The following ZNF75D variants were observed in gnomAD, a reference collection of about 807,000 sequenced individuals.
The protein encoded by ZNF75D is zinc finger protein 75.
A neutral mutation model predicts 33.3 loss-of-function variants in ZNF75D; 33 were observed. The ratio of observed to expected loss-of-function variants is 0.99; its 90% confidence interval spans 0.75 to 1.32. ZNF75D has a LOEUF of 1.32. Ranked by LOEUF, ZNF75D falls within the 40% of genes most tolerant of loss-of-function variation. The pLI, the probability that ZNF75D is intolerant of heterozygous loss-of-function variation, is 0.00. For missense variants in ZNF75D, 338 were observed against 367.5 expected, an observed-to-expected ratio of 0.92 and a Z score of 0.66; for synonymous variants, 113 against 130.6, an observed-to-expected ratio of 0.87 and a Z score of 0.92.
At chrX:135,272,665 A>C (rs2083887133) in intron 1 of ZNF75D, among the ~76,000 whole-genome samples, 1 of 111,116 alleles carries the variant, frequency 9.0e-6, no homozygotes, top group Non-Finnish European at 1.9e-5. Context: ...AAGGTAGTAA[A>C]AGCACTAGAG....
chrX:135,257,015 T>C (rs2083805809), intron 1 of ZNF75D, among the ~76,000 whole-genome samples: 1 of 111,739 alleles, frequency 8.9e-6, no homozygotes, highest in African/African-American at 3.3e-5. Context: ...CCTTGGGCAC[T>C]GAATAACACC....
In ZNF75D at chrX:135,287,572, C is replaced by G. The variant is rs1238075197; in HGVS notation, c.1098G>C (p.Lys366Asn). The G allele has an allele frequency of 8.3e-7, 1 of 1,210,475 alleles. No individual in the cohort carries two copies. Among genetic ancestry groups the G allele is most frequent in the African/African-American group, 1.7e-5 (1 of 57,419 alleles). Reference sequence around the variant, plus strand: ...TGAAGCTTTTCCCACATTCCTGACACTTAAAAGGTTTCTCCCCTGTGGGGC... The same window carrying G: ...TGAAGCTTTTCCCACATTCCTGACAGTTAAAAGGTTTCTCCCCTGTGGGGC... ...GKGPTGEKPF[K>N]CQECGKSFRV... The change falls in exon 7 of 7, where the codon AAG becomes AAC. Residue 366 changes from lysine to asparagine, a missense_variant. Lys to Asn is a moderately conservative substitution (Grantham distance 94, BLOSUM62 0). Around this residue, in one of 3 missense-constraint regions of ZNF75D, gnomAD observed 254 missense variants for 267.7 expected, o/e 0.95. Coordinates refer to ENST00000370766, the MANE Select transcript of ZNF75D (RefSeq NM_007131.5).
intron 1 of ZNF75D, among the ~76,000 whole-genome samples, chrX:135,314,281 G>A (rs1326084872): frequency 8.9e-6 from 1 of 111,825 alleles, no homozygotes; most frequent in East Asian, 2.8e-4. Flanking sequence ...CTGTTCATAT[G>A]ATGTATCACA....
At position 135,292,477 on chromosome X, in the gene ZNF75D, G is replaced by T. The variant is rs1392620332; in HGVS notation, c.412-4C>A. Reference sequence around the variant, plus strand: ...TTCCCAGCTCATGGGCTGTGACCTAGAAATAATCCCCATCCTCATTAGCAC... The same window carrying T: ...TTCCCAGCTCATGGGCTGTGACCTATAAATAATCCCCATCCTCATTAGCAC... On this transcript the variant is annotated splice_polypyrimidine_tract_variant and splice_region_variant and intron_variant, in intron 3 of 6. Coordinates refer to ENST00000370766, the MANE Select transcript of ZNF75D (RefSeq NM_007131.5). The T allele has an allele frequency of 8.3e-7, 1 of 1,209,551 alleles. No individual in the cohort carries two copies. The highest frequency in any genetic ancestry group is 1.1e-6 in the Non-Finnish European group (1 of 894,141).
intron 1 of ZNF75D, among the ~76,000 whole-genome samples, chrX:135,311,016 G>C (rs1338756950): frequency 1.5e-4 from 17 of 111,978 alleles, no homozygotes; most frequent in African/African-American, 5.2e-4. Flanking sequence ...GGATCAAACA[G>C]TGGCTGTACC....
chrX:135,308,202 CG>C (rs1312819484), intron 1 of ZNF75D, among the ~76,000 whole-genome samples: 1 of 112,189 alleles, frequency 8.9e-6, no homozygotes, highest in Non-Finnish European at 1.9e-5. Flanking sequence ...TGAGAGCAGT[CG>C]TGAGTAATCA....
chrX:135,310,019 T>C (rs2084340489), intron 1 of ZNF75D, among the ~76,000 whole-genome samples: 1 of 112,195 alleles, frequency 8.9e-6, no homozygotes, highest in Non-Finnish European at 1.9e-5. Context: ...CTCTAATCCC[T>C]AGCCATTTTG....
intron 3 of ZNF75D, among the ~76,000 whole-genome samples, chrX:135,250,701 C>G (rs2083778651): frequency 1.1e-5 from 1 of 93,494 alleles, no homozygotes; most frequent in Non-Finnish European, 2.1e-5. Flanking sequence ...CTCCCCTCAG[C>G]CTTCCAAAGT....
At chrX:135,303,039 G>T (rs1449772599) in intron 1 of ZNF75D, among the ~76,000 whole-genome samples, 1 of 110,983 alleles carries the variant, frequency 9.0e-6, no homozygotes, top group African/African-American at 3.3e-5. Context: ...AGAATTAAGT[G>T]CTGTGCTTTA....
At chrX:135,294,369 T>G in intron 2 of ZNF75D, 111 bp from the exon 3 acceptor site, 2 of 312,613 alleles carry the variant, frequency 6.4e-6, no homozygotes, top group East Asian at 9.5e-5. Context: ...GTCTGGCTTC[T>G]TCTTTAAAAT....
intron 1 of ZNF75D, among the ~76,000 whole-genome samples, chrX:135,322,179 A>G (rs950964999): frequency 8.9e-6 from 1 of 112,236 alleles, no homozygotes; most frequent in South Asian, 3.7e-4. Flanking sequence ...GTGTCAGTGT[A>G]CTTTATTCAT....
At chrX:135,266,101 C>T (rs1368223772) in intron 1 of ZNF75D, among the ~76,000 whole-genome samples, 1 of 110,719 alleles carries the variant, frequency 9.0e-6, no homozygotes, top group Non-Finnish European at 1.9e-5. Flanking sequence ...TCATGGTAAC[C>T]TCAAATCAAA....
chrX:135,302,620 C>T (rs1369961428), intron 1 of ZNF75D, among the ~76,000 whole-genome samples: 1 of 112,243 alleles, frequency 8.9e-6, no homozygotes, highest in Non-Finnish European at 1.9e-5. Context: ...TTCAATTAGC[C>T]TTGTGATCTC....
intron 1 of ZNF75D, among the ~76,000 whole-genome samples, chrX:135,296,460 A>G (rs2084132095): frequency 8.9e-6 from 1 of 111,923 alleles, no homozygotes; most frequent in Non-Finnish European, 1.9e-5. Flanking sequence ...GCCACGGAAG[A>G]GTGGCTCACA....
intron 1 of ZNF75D, among the ~76,000 whole-genome samples, chrX:135,333,810 T>TA (rs1413339253): frequency 7.4e-4 from 83 of 111,721 alleles, no homozygotes; most frequent in African/African-American, 1.8e-3. Flanking sequence ...AAAATCAGTC[T>TA]AAAAAATCTC....
chrX:135,299,115 G>A (rs1286436151), intron 1 of ZNF75D, among the ~76,000 whole-genome samples: 1 of 111,879 alleles, frequency 8.9e-6, no homozygotes, highest in African/African-American at 3.2e-5. Flanking sequence ...ATTTTGTGTG[G>A]ACATATATTT....
exon 4 of ZNF75D, chrX:135,249,166 A>C (rs1333695847): frequency 6.2e-6 from 2 of 323,070 alleles, no homozygotes; most frequent in African/African-American, 5.4e-5. Context: ...TTTAGAGGCC[A>C]GGCTGGGTCT....
intron 1 of ZNF75D, among the ~76,000 whole-genome samples, chrX:135,261,585 T>G (rs991320735): frequency 6.9e-4 from 77 of 112,061 alleles, no homozygotes; most frequent in Non-Finnish European, 1.3e-3. Context: ...TTTGTTGGTT[T>G]AAAGTCTGTT....
At chrX:135,260,342 T>C (rs781789844) in intron 1 of ZNF75D, among the ~76,000 whole-genome samples, 1 of 112,424 alleles carries the variant, frequency 8.9e-6, no homozygotes, top group Non-Finnish European at 1.9e-5. Context: ...TCTTTTTCTA[T>C]TGATTGGAAT....
Sources: allele counts gnomAD v4.1 joint callset (sites outside exome capture counted in the v4.1 genomes callset), GRCh38; gene constraint gnomAD v4.1.1; regional missense constraint gnomAD v4.1.1; transcripts MANE v1.5; gene names NCBI Gene and HGNC (gene_info 2026-07-23, HGNC 2026-07-21).